GARRE1: variants seen among roughly 807,000 people sequenced by gnomAD.
GARRE1 encodes granule associated Rac and RHOG effector protein 1.
GARRE1 carries 49 observed loss-of-function variants against 103.2 expected under a neutral mutation model. The observed-to-expected ratio is 0.47, with a 90% CI of 0.38 to 0.60. The LOEUF is 0.60. GARRE1 is among the 20% of genes least tolerant of loss of function. The probability of loss-of-function intolerance (pLI) is 0.00; values close to 1 mark genes in which losing one functional copy is unlikely to be tolerated. For synonymous variants in GARRE1, 505 were observed against 532.8 expected (o/e 0.95, Z 0.72); for missense variants, 1,199 against 1,370.5 (o/e 0.87, Z 1.98).
rs191991616 is a variant in GARRE1, at chr19:34,311,626, C to G, written c.496-8281C>G. On this transcript the variant is annotated intron_variant, in intron 2 of 13. Coordinates refer to ENST00000299505, the MANE Select transcript of GARRE1 (RefSeq NM_014686.5). ...ATAATTTTTTTTTCTTTTCCCCCCT[C>G]TGAGATGTAGTTTCGCTCTTGTTGT... is the stretch of plus-strand genomic sequence containing the variant. Among the ~76,000 whole-genome samples the G allele has an allele frequency of 5.3e-5, 8 of 152,236 alleles. No individual in the cohort carries two copies. In the East Asian group the frequency reaches 1.5e-3, roughly 29 times the overall value.
In GARRE1 at chr19:34,330,268, T is replaced by G; in HGVS notation, c.1184T>G (p.Val395Gly). Reference sequence around the variant, plus strand: ...AGGGATGATTTTCCTGTGACTGAAGTGCTGAACCAGGTTTGCCCTTCCACA... The same window carrying G: ...AGGGATGATTTTCCTGTGACTGAAGGGCTGAACCAGGTTTGCCCTTCCACA... ...TSRDDFPVTE[V>G]LNQVCPSTWR... The change falls in exon 7 of 14, where the codon GTG becomes GGG. Residue 395 changes from valine to glycine, a missense_variant. Physicochemically the swap from Val to Gly is moderately radical, Grantham distance 109. Transcript: ENST00000299505. 1 of 1,614,180 alleles carries G rather than the reference T, an allele frequency of 6.2e-7. No homozygotes were observed.
chr19:34,269,453 G>T (rs1395782362), intron 1 of GARRE1, among the ~76,000 whole-genome samples: 2 of 152,142 alleles, frequency 1.3e-5, no homozygotes, highest in African/African-American at 2.4e-5. Flanking sequence ...TTTCCTATCC[G>T]CCTGAGTTTT....
At chr19:34,301,965 G>A (rs1288368125) in intron 2 of GARRE1, among the ~76,000 whole-genome samples, 3 of 143,726 alleles carry the variant, frequency 2.1e-5, no homozygotes, top group Non-Finnish European at 4.5e-5. Context: ...TTACAGGTGT[G>A]AGCCACTGCG....
chr19:34,313,359 A>C (rs556317521), intron 2 of GARRE1, among the ~76,000 whole-genome samples: 2 of 152,312 alleles, frequency 1.3e-5, no homozygotes, highest in East Asian at 3.9e-4. Flanking sequence ...GAAATGAAGC[A>C]AGGGTGATGC....
At chr19:34,349,232 A>G in intron 12 of GARRE1, 79 bp downstream of exon 12, 4 of 1,451,800 alleles carry the variant, frequency 2.8e-6, no homozygotes, top group Non-Finnish European at 2.9e-6. Flanking sequence ...TGGGAAAGCC[A>G]GGAGCCCAGT....
chr19:34,350,994 T>C (rs1472707239), intron 12 of GARRE1, among the ~76,000 whole-genome samples: 3 of 150,826 alleles, frequency 2.0e-5, no homozygotes, highest in Non-Finnish European at 4.4e-5. Flanking sequence ...AGGTCAGGAG[T>C]TCGAGATCAG....
chr19:34,305,475 A>G (rs2074003508), intron 2 of GARRE1, among the ~76,000 whole-genome samples: 1 of 152,222 alleles, frequency 6.6e-6, no homozygotes, highest in Non-Finnish European at 1.5e-5. Context: ...TCAGGACTTC[A>G]GGCAAGAGTG....
chr19:34,328,849 C>T (rs1392597617), intron 6 of GARRE1, among the ~76,000 whole-genome samples: 1 of 152,072 alleles, frequency 6.6e-6, no homozygotes, highest in African/African-American at 2.4e-5. Flanking sequence ...CTCAGCTGAT[C>T]CACCCTACTT....
chr19:34,342,679 A>G (rs2074192470), intron 10 of GARRE1, among the ~76,000 whole-genome samples: 1 of 152,148 alleles, frequency 6.6e-6, no homozygotes, highest in Non-Finnish European at 1.5e-5. Context: ...TTCTTACTTT[A>G]TAGAGAACAG....
At chr19:34,304,537 G>A (rs1568537003) in intron 2 of GARRE1, among the ~76,000 whole-genome samples, 2 of 151,512 alleles carry the variant, frequency 1.3e-5, no homozygotes, top group Admixed American at 6.6e-5. Flanking sequence ...CACCACACCT[G>A]GCTAATTTTT....
chr19:34,346,626 C>CT (rs1360511045), intron 10 of GARRE1, among the ~76,000 whole-genome samples: 4 of 152,030 alleles, frequency 2.6e-5, no homozygotes, highest in Non-Finnish European at 4.4e-5. Context: ...AGACAATGGA[C>CT]TTTTTTTGAG....
chr19:34,278,558 A>G (rs1568526901), intron 1 of GARRE1, among the ~76,000 whole-genome samples: 1 of 151,376 alleles, frequency 6.6e-6, no homozygotes, highest in African/African-American at 2.4e-5. Context: ...TAAAAATTTG[A>G]CTATTTTAGG....
chr19:34,274,427 C>T (rs192604108), intron 1 of GARRE1, among the ~76,000 whole-genome samples: 1 of 152,192 alleles, frequency 6.6e-6, no homozygotes, highest in East Asian at 1.9e-4. Context: ...AAGGATAAGA[C>T]TGTGATTAAT....
intron 1 of GARRE1, among the ~76,000 whole-genome samples, chr19:34,296,841 G>A (rs2073950211): frequency 6.6e-6 from 1 of 152,048 alleles, no homozygotes; most frequent in South Asian, 2.1e-4. Flanking sequence ...ACAGAGTCTT[G>A]CAGTGTTGCC....
chr19:34,317,695 T>C (rs1311439867), intron 2 of GARRE1, among the ~76,000 whole-genome samples: 5 of 152,218 alleles, frequency 3.3e-5, no homozygotes, highest in African/African-American at 1.2e-4. Flanking sequence ...ATGCAGATTG[T>C]GTCCCGTTGA....
At chr19:34,281,343 T>C (rs551672015) in intron 1 of GARRE1, among the ~76,000 whole-genome samples, 6 of 152,308 alleles carry the variant, frequency 3.9e-5, no homozygotes, top group African/African-American at 1.4e-4. Context: ...CAGGCTGGAG[T>C]GCAGTGGTGT....
chr19:34,348,279 T>G, intron 11 of GARRE1: 1 of 364,844 alleles, frequency 2.7e-6, no homozygotes, highest in Non-Finnish European at 4.9e-6. Flanking sequence ...ACATTCATGA[T>G]TTTCAAAACA....
intron 1 of GARRE1, among the ~76,000 whole-genome samples, chr19:34,286,014 T>G (rs1239675652): frequency 1.3e-5 from 2 of 152,170 alleles, no homozygotes; most frequent in South Asian, 2.1e-4. Flanking sequence ...CATTGATCTG[T>G]GTAACCAGCC....
chr19:34,275,373 C>T (rs1193778107), intron 1 of GARRE1, among the ~76,000 whole-genome samples: 1 of 152,046 alleles, frequency 6.6e-6, no homozygotes, highest in East Asian at 1.9e-4. Context: ...AAACCATATA[C>T]CCATTAGCAG....
Sources: gnomAD v4.1 joint callset for allele counts (sites outside exome capture counted in the v4.1 genomes callset) on GRCh38, gnomAD v4.1.1 for gene constraint, MANE v1.5 for transcripts, NCBI Gene and HGNC (gene_info 2026-07-23, HGNC 2026-07-21) for gene names.